KANK1: variants seen among roughly 807,000 people sequenced by gnomAD.
KANK1 encodes the protein KN motif and ankyrin repeat domains 1, also known as KN motif and ankyrin repeat domain-containing protein 1.
Under a neutral mutation model 106.2 loss-of-function variants are expected in KANK1, and 109 were observed. The ratio of observed to expected loss-of-function variants is 1.03; its 90% CI spans 0.88 to 1.20. The LOEUF (loss-of-function observed/expected upper bound fraction) is 1.20. KANK1 is among the 50% of genes most tolerant of loss of function. The pLI, the probability that KANK1 is intolerant of heterozygous loss-of-function variation, is 0.00. For synonymous variants in KANK1, 873 were observed against 652.2 expected, an observed-to-expected ratio of 1.34 and a Z score of -5.16; for missense variants, 2,399 against 1,710.7, an observed-to-expected ratio of 1.40 and a Z score of -7.10.
intron 2 of KANK1, among the ~76,000 whole-genome samples, chr9:705,656 G>A (rs190970335): frequency 7.6e-4 from 116 of 151,754 alleles, no homozygotes; most frequent in African/African-American, 2.7e-3. Flanking sequence ...GGAGTGCAAT[G>A]TGTGTGATCT....
intron 1 of KANK1, among the ~76,000 whole-genome samples, chr9:567,414 A>G (rs949373007): frequency 6.6e-6 from 1 of 152,214 alleles, no homozygotes; most frequent in Non-Finnish European, 1.5e-5. Context: ...GGAAAGTGCT[A>G]TTCTCATTCT....
intron 1 of KANK1, among the ~76,000 whole-genome samples, chr9:539,007 A>G (rs919068721): frequency 1.3e-5 from 2 of 152,058 alleles, no homozygotes; most frequent in Admixed American, 6.6e-5. Context: ...CAGCCTCCCG[A>G]GTAGCTGGGA....
rs999135442 is a variant in KANK1 at position 521,716 on chromosome 9, C to T, written c.-84+16962C>T. Among the ~76,000 whole-genome samples the T allele has an allele frequency of 1.1e-4, 16 of 151,110 alleles. No individual in the cohort carries two copies. The East Asian group carries it at 1.6e-3, about 15-fold the overall frequency. Reference sequence around the variant, plus strand: ...CGAGTAGCTGGGGATTACAGGTGTGCGCCACCACGCGTGGCTGATTTTTGT... The same window carrying T: ...CGAGTAGCTGGGGATTACAGGTGTGTGCCACCACGCGTGGCTGATTTTTGT... On this transcript the variant is annotated intron_variant, in intron 1 of 11. Transcript: ENST00000382297.
intron 3 of KANK1, among the ~76,000 whole-genome samples, chr9:717,972 ATCTTAGTTC>A (rs201311805): frequency 0.019 from 2,826 of 152,198 alleles, 100 homozygotes; most frequent in African/African-American, 0.064. Context: ...ACTCTTAGTT[ATCTTAGTTC>A]ATCAAAAGTT....
chr9:529,651 A>G (rs373375836), intron 1 of KANK1, among the ~76,000 whole-genome samples: 2 of 152,114 alleles, frequency 1.3e-5, no homozygotes, highest in East Asian at 1.9e-4. Flanking sequence ...GTTTCTTTTT[A>G]AAATCATTTT....
chr9:668,378 T>A (rs77816780), intron 1 of KANK1, among the ~76,000 whole-genome samples: 8,097 of 152,224 alleles, frequency 0.053, 229 homozygotes, highest in African/African-American at 0.066. Flanking sequence ...CTATTAATGT[T>A]TGCTTTATAT....
intron 1 of KANK1, among the ~76,000 whole-genome samples, chr9:638,949 A>G (rs1837760581): frequency 6.6e-6 from 1 of 152,154 alleles, no homozygotes; most frequent in South Asian, 2.1e-4. Flanking sequence ...ATTTGACTGT[A>G]CTTATTTTTG....
chr9:490,758 T>A (rs912777652), intron 3 of KANK1, among the ~76,000 whole-genome samples: 5 of 152,202 alleles, frequency 3.3e-5, no homozygotes, highest in Non-Finnish European at 5.9e-5. Context: ...GTTGAGCACA[T>A]ATTATATACC....
At chr9:702,348 T>A (rs1822892032) in intron 2 of KANK1, among the ~76,000 whole-genome samples, 1 of 152,152 alleles carries the variant, frequency 6.6e-6, no homozygotes, top group Non-Finnish European at 1.5e-5. Flanking sequence ...GCTGTTTGCT[T>A]CACTTCTGCC....
intron 3 of KANK1, among the ~76,000 whole-genome samples, chr9:483,843 G>A (rs1319432765): frequency 6.6e-6 from 1 of 152,190 alleles, no homozygotes; most frequent in African/African-American, 2.4e-5. Context: ...TTCAGAGCTA[G>A]ACAGCTGACA....
intron 3 of KANK1, chr9:484,252 C>T (rs1053150826): frequency 1.3e-5 from 2 of 152,216 alleles, no homozygotes; most frequent in African/African-American, 2.4e-5. Context: ...TAAAAGTTCC[C>T]ACCTTACAGA....
intron 1 of KANK1, among the ~76,000 whole-genome samples, chr9:664,990 C>G (rs1019983790): frequency 1.3e-5 from 2 of 152,170 alleles, no homozygotes; most frequent in Non-Finnish European, 2.9e-5. Flanking sequence ...CTGTTCAGGC[C>G]TTTTGCCCTT....
chr9:738,562 C>G, intron 8 of KANK1, 58 bp downstream of exon 8: 4 of 1,363,564 alleles, frequency 2.9e-6, no homozygotes, highest in South Asian at 1.2e-5. Flanking sequence ...TGTGACTCAT[C>G]TCAGAGAACC....
intron 1 of KANK1, among the ~76,000 whole-genome samples, chr9:644,932 G>A (rs1839313330): frequency 6.7e-6 from 1 of 149,846 alleles, no homozygotes; most frequent in African/African-American, 2.5e-5. Flanking sequence ...ACCAGCCTGG[G>A]CAACATGGTG....
chr9:616,393 A>ATTAC (rs1831833870), intron 1 of KANK1, among the ~76,000 whole-genome samples: 1 of 152,146 alleles, frequency 6.6e-6, no homozygotes, highest in South Asian at 2.1e-4. Context: ...CACCACTTAA[A>ATTAC]TTACCATCAA....
At chr9:649,546 C>G (rs1031702905) in intron 1 of KANK1, among the ~76,000 whole-genome samples, 3 of 152,150 alleles carry the variant, frequency 2.0e-5, no homozygotes, top group African/African-American at 7.2e-5. Flanking sequence ...TAAGTAGTGC[C>G]TGATTATAGC....
At chr9:650,398 A>C (rs1046408468) in intron 1 of KANK1, among the ~76,000 whole-genome samples, 5 of 152,182 alleles carry the variant, frequency 3.3e-5, no homozygotes, top group African/African-American at 1.2e-4. Context: ...AAGTGGCTTA[A>C]AGATCTCTGT....
intron 5 of KANK1, 30 bp from the exon 6 acceptor site, chr9:732,348 G>GC: frequency 6.3e-7 from 1 of 1,597,222 alleles, no homozygotes; most frequent in African/African-American, 1.3e-5. Context: ...AGCACACCTT[G>GC]CATCTCCTGA....
rs144070241 is a variant in KANK1 at position 575,456 on chromosome 9, C to T, written c.-84+70702C>T. On this transcript the variant is annotated intron_variant, in intron 1 of 11. Coordinates refer to ENST00000382297, the MANE Select transcript of KANK1 (RefSeq NM_015158.5). ...ACTGAGCTGGGAGGATCATTTGAGC[C>T]CAGGAGTTTGAGACCAGCTTGGGCA... 6.2e-3 allele frequency among the ~76,000 whole-genome samples: 922 copies of T among 148,736 alleles called. 10 individuals carry two copies. The Middle Eastern group carries it at 0.067, about 11-fold the overall frequency.
Sources: gnomAD v4.1 joint callset for allele counts (sites outside exome capture counted in the v4.1 genomes callset) on GRCh38, gnomAD v4.1.1 for gene constraint, MANE v1.5 for transcripts, NCBI Gene and HGNC (gene_info 2026-07-23, HGNC 2026-07-21) for gene names.